Variants in MBP observed in about 807,000 individuals in gnomAD.
MBP encodes Golli-MBP.
A neutral mutation model predicts 35.8 loss-of-function variants in MBP; 16 were observed. The observed-to-expected ratio is 0.45, with a 90% CI of 0.30 to 0.68. The LOEUF is 0.68. Among genes scored for constraint, MBP ranks in the 30% least tolerant of loss-of-function variants. The probability of loss-of-function intolerance (pLI) is 0.08; values close to 1 mark genes in which losing one functional copy is unlikely to be tolerated. For synonymous variants in MBP, 143 were observed against 159.6 expected (o/e 0.90, Z 0.78); for missense variants, 380 against 404.7 (o/e 0.94, Z 0.52).
intron 3 of MBP, among the ~76,000 whole-genome samples, chr18:77,046,050 A>G (rs1973242640): frequency 1.3e-5 from 2 of 152,256 alleles, no homozygotes; most frequent in South Asian, 4.1e-4. Context: ...TATATGAACT[A>G]GAAACTGAAT....
intron 2 of MBP, among the ~76,000 whole-genome samples, chr18:77,092,919 G>A (rs1975595983): frequency 6.6e-6 from 1 of 152,210 alleles, no homozygotes; most frequent in South Asian, 2.1e-4. Context: ...GTATTTCGCT[G>A]TTTCTGACTT....
chr18:77,066,195 T>C, intron 3 of MBP, 103 bp downstream of exon 3: 1 of 803,156 alleles, frequency 1.2e-6, no homozygotes, highest in Non-Finnish European at 2.1e-6. Flanking sequence ...GACAGATCCA[T>C]GGATCACCCA....
At chr18:77,132,332 G>C (rs1374867818) in intron 1 of MBP, among the ~76,000 whole-genome samples, 1 of 152,204 alleles carries the variant, frequency 6.6e-6, no homozygotes, top group African/African-American at 2.4e-5. Flanking sequence ...CTTGGGTTCG[G>C]GTCAGGGAGG....
chr18:77,026,595 C>T (rs1972234644), intron 3 of MBP, among the ~76,000 whole-genome samples: 1 of 152,076 alleles, frequency 6.6e-6, no homozygotes, highest in South Asian at 2.1e-4. Flanking sequence ...AATATAATTT[C>T]ACTAGGGAAT....
In MBP at chr18:76,988,890, G is replaced by T; in HGVS notation, c.704C>A (p.Pro235Gln). The change falls in exon 6 of 9, where the codon CCG (proline) becomes CAG (glutamine). Residue 235 changes from proline (P) to glutamine (Q), a missense_variant. Pro to Gln is a moderately conservative substitution (Grantham distance 76). Coordinates refer to ENST00000355994, the MANE Select transcript of MBP (RefSeq NM_001025101.2). This position sits in a 1 kb window ranked among gnomAD's most constrained non-coding sequence, Gnocchi z 5.2. ...KNIVTPRTPP[P>Q]SQGKGRGLSL... ...CCAAGGTCTTACCTTTCCCTGCGAC[G>T]GGGGTGGTGTGCGAGGCGTCACCTG... 1.9e-6 allele frequency: 3 copies of T among 1,613,786 alleles called. No homozygotes were observed. The highest frequency in any genetic ancestry group is 2.5e-6 in the Non-Finnish European group (3 of 1,179,778).
At chr18:77,124,697 T>C (rs1272736695) in intron 1 of MBP, among the ~76,000 whole-genome samples, 1 of 152,166 alleles carries the variant, frequency 6.6e-6, no homozygotes, top group African/African-American at 2.4e-5. Context: ...CCTGAGGCTG[T>C]TGAGCGGGCA....
At position 77,102,947 on chromosome 18, in the gene MBP, T is replaced by C. The variant is rs1213795533; in HGVS notation, c.51+2264A>G. 6.6e-6 allele frequency among the ~76,000 whole-genome samples: 1 copy of C among 152,226 alleles called. No individual in the cohort carries two copies. Among genetic ancestry groups the C allele is most frequent in the Non-Finnish European group, 1.5e-5 (1 of 68,042 alleles). On this transcript the variant is annotated intron_variant, in intron 2 of 8. Coordinates refer to ENST00000355994, the MANE Select transcript of MBP (RefSeq NM_001025101.2). The surrounding 1 kb of genome is among the most constrained non-coding windows in gnomAD (Gnocchi z 4.4). ...GTTATTGCTAATTATAATGCTGACA[T>C]TATCAGTAATACAGTTTAAGTATGG...
intron 7 of MBP, chr18:76,985,951 A>T (rs1320546355): frequency 1.0e-5 from 10 of 985,650 alleles, no homozygotes; most frequent in Non-Finnish European, 1.2e-5. Flanking sequence ...GGGCTTCCTG[A>T]CACACATGGG....
intron 1 of MBP, among the ~76,000 whole-genome samples, chr18:77,126,125 G>C (rs758113532): frequency 7.9e-5 from 12 of 152,160 alleles, no homozygotes; most frequent in Non-Finnish European, 1.6e-4. Context: ...CAAAAAATGA[G>C]AACTATAGAT....
chr18:77,018,128 T>C (rs1020930250), intron 3 of MBP, among the ~76,000 whole-genome samples: 1 of 152,092 alleles, frequency 6.6e-6, no homozygotes, highest in Non-Finnish European at 1.5e-5. Context: ...CATCCATCCA[T>C]CCACATAACA....
At chr18:77,124,480 A>G (rs1217751794) in intron 1 of MBP, among the ~76,000 whole-genome samples, 1 of 144,852 alleles carries the variant, frequency 6.9e-6, no homozygotes, top group East Asian at 2.3e-4. Flanking sequence ...GGGGCTCAGT[A>G]GCTGCTGTGG....
At chr18:76,983,069 A>G (rs1303540435) in intron 8 of MBP, 1 of 152,190 alleles carries the variant, frequency 6.6e-6, no homozygotes, top group Non-Finnish European at 1.5e-5. Flanking sequence ...TGGCCTTGCA[A>G]GCATCTTTGA....
rs77106068 is a variant in MBP at position 77,130,505 on chromosome 18, G to T, written c.-26+2075C>A. 4.7e-3 allele frequency among the ~76,000 whole-genome samples: 718 copies of T among 151,956 alleles called. 8 individuals are homozygous for T. The highest frequency in any genetic ancestry group is 0.017 in the African/African-American group (682 of 41,238). ...CGCTCTCAAAAGAGAGTCTGGCAACGTGCAAGCAGTCGATAAACACTCCCA... is the reference window on the plus strand; with the variant it reads ...CGCTCTCAAAAGAGAGTCTGGCAACTTGCAAGCAGTCGATAAACACTCCCA... On this transcript the variant is annotated intron_variant, in intron 1 of 8. Coordinates refer to ENST00000355994, the MANE Select transcript of MBP (RefSeq NM_001025101.2).
At chr18:77,047,530 G>A (rs1973308287) in intron 3 of MBP, among the ~76,000 whole-genome samples, 1 of 152,194 alleles carries the variant, frequency 6.6e-6, no homozygotes, top group Non-Finnish European at 1.5e-5. Flanking sequence ...GTTCTTGCTG[G>A]GGTGGTGAAA....
At chr18:77,091,707 C>G (rs1462778714) in intron 2 of MBP, among the ~76,000 whole-genome samples, 1 of 151,270 alleles carries the variant, frequency 6.6e-6, no homozygotes, top group African/African-American at 2.4e-5. Flanking sequence ...ACCATACATG[C>G]AAACACACCA....
chr18:77,049,239 G>A (rs1388023029), intron 3 of MBP, among the ~76,000 whole-genome samples: 1 of 152,148 alleles, frequency 6.6e-6, no homozygotes, highest in Non-Finnish European at 1.5e-5. Flanking sequence ...TTTTTAATCT[G>A]TTTTGTTCAC....
Position 77,089,546 on chromosome 18 carries a change from C to T in MBP, c.51+15665G>A, listed in dbSNP as rs1023034206. Among the ~76,000 whole-genome samples the T allele has an allele frequency of 2.0e-4, 31 of 152,208 alleles. 1 individual carries two copies. Among genetic ancestry groups the T allele is most frequent in the African/African-American group, 7.0e-4 (29 of 41,440 alleles). On this transcript the variant is annotated intron_variant, in intron 2 of 8. Coordinates refer to ENST00000355994, the MANE Select transcript of MBP (RefSeq NM_001025101.2). ...CAGGGGTTCTCCCACAGAGCCTCCG[C>T]CTCAGGCAGGGGAACATGACCCTGC... is the stretch of plus-strand genomic sequence containing the variant.
At chr18:76,990,197 A>T (rs1969817047) in intron 4 of MBP, 137 bp from the exon 5 acceptor site, 15 of 602,612 alleles carry the variant, frequency 2.5e-5, no homozygotes, top group South Asian at 2.4e-4. Context: ...TTTATTAAGG[A>T]CTATTGTGAT....
chr18:77,015,857 T>A, intron 4 of MBP: 3 of 985,454 alleles, frequency 3.0e-6, no homozygotes, highest in Non-Finnish European at 3.6e-6. Flanking sequence ...TTCAAAAGCC[T>A]TTTACGCTCC....
Sources: allele counts gnomAD v4.1 joint callset (sites outside exome capture counted in the v4.1 genomes callset), GRCh38; gene constraint gnomAD v4.1.1; non-coding constraint Gnocchi (gnomAD v3.1); transcripts MANE v1.5; gene names NCBI Gene and HGNC (gene_info 2026-07-23, HGNC 2026-07-21).